The following MYH16 variants were observed in gnomAD, a reference collection of about 807,000 sequenced individuals.
The protein encoded by MYH16 is putative uncharacterized protein MYH16.
chr7:99,262,912 G>A (rs576473635), intron 13 of MYH16, among the ~76,000 whole-genome samples: 6 of 152,278 alleles, frequency 3.9e-5, no homozygotes, highest in Non-Finnish European at 5.9e-5. Flanking sequence ...CACGTAGCTC[G>A]GGATTCTACA....
intron 2 of MYH16, among the ~76,000 whole-genome samples, chr7:99,247,107 C>T (rs548054557): frequency 6.6e-6 from 1 of 152,282 alleles, no homozygotes; most frequent in South Asian, 2.1e-4. Context: ...AAAGAGAAGC[C>T]TCATTTAGCT....
At chr7:99,298,979 C>T (rs964566708) in intron 36 of MYH16, among the ~76,000 whole-genome samples, 4 of 151,506 alleles carry the variant, frequency 2.6e-5, no homozygotes, top group African/African-American at 9.7e-5. Context: ...GTAATCCTAG[C>T]ACTTTGGGAG....
chr7:99,277,440 G>A (rs1792129925), intron 20 of MYH16, 99 bp from the exon 3 acceptor site: 1 of 371,236 alleles, frequency 2.7e-6, no homozygotes, highest in African/African-American at 2.1e-5. Flanking sequence ...CCACAGTGGT[G>A]CTGTGAGGTC....
chr7:99,297,773 G>A (rs1047521330), exon 35 of MYH16: 3 of 456,610 alleles, frequency 6.6e-6, no homozygotes, highest in Non-Finnish European at 1.3e-5. Context: ...GGTGGCCCTG[G>A]AAGAAGCTGA....
At chr7:99,297,745 G>A (rs760637799) in exon 35 of MYH16, 24 of 456,532 alleles carry the variant, frequency 5.3e-5, no homozygotes, top group Admixed American at 1.4e-4. Context: ...AATTGGAGAT[G>A]GAAAAGGAAG....
chr7:99,258,954 G>T (rs147835220), intron 11 of MYH16, among the ~76,000 whole-genome samples: 1 of 152,102 alleles, frequency 6.6e-6, no homozygotes, highest in Admixed American at 6.5e-5. Flanking sequence ...GGAAACTTAC[G>T]ATCATGGTGA....
Position 99,273,337 on chromosome 7 carries a change from C to T in MYH16, n.2404-5C>T, listed in dbSNP as rs918372157. 1.1e-5 allele frequency: 5 copies of T among 456,590 alleles called. No individual in the cohort carries two copies. The highest frequency in any genetic ancestry group is 2.0e-5 in the African/African-American group (1 of 50,070). 28.3% of individuals were successfully genotyped at this position (456,590 alleles called of 1,614,324 possible). ...AACCCACTCAACCCTGGATTCTTTT[C>T]GCAGAATGGGCCTGAAAGTCATTCA... On this transcript the variant is annotated splice_polypyrimidine_tract_variant and splice_region_variant and intron_variant and non_coding_transcript_variant, in intron 19 of 41. Transcript: ENST00000439784.
intron 34 of MYH16, among the ~76,000 whole-genome samples, 179 bp from the exon 16 acceptor site, chr7:99,297,481 C>T (rs1266598047): frequency 6.6e-6 from 1 of 151,726 alleles, no homozygotes; most frequent in African/African-American, 2.4e-5. Context: ...GGAAATAATT[C>T]TACCCTCCTT....
chr7:99,273,112 T>C (rs1220756464), intron 19 of MYH16, among the ~76,000 whole-genome samples, 35 bp downstream of exon 1: 1 of 152,210 alleles, frequency 6.6e-6, no homozygotes, highest in Non-Finnish European at 1.5e-5. Context: ...GGGAGGGACC[T>C]GGTTCCATCA....
intron 40 of MYH16, 82 bp from the exon 22 acceptor site, chr7:99,305,747 AGCCTGGG>A (rs1792668981): frequency 6.5e-6 from 1 of 152,806 alleles, no homozygotes; most frequent in African/African-American, 2.4e-5. Context: ...ACTGCCCTCC[AGCCTGGG>A]CAACAGAGCA....
intron 32 of MYH16, among the ~76,000 whole-genome samples, chr7:99,293,463 G>C (rs1031902010): frequency 6.6e-6 from 1 of 152,102 alleles, no homozygotes; most frequent in African/African-American, 2.4e-5. Context: ...GGCACTACCT[G>C]GTCCTCCCCC....
chr7:99,277,429 A>C (rs961409672), intron 20 of MYH16, 110 bp from the exon 3 acceptor site: 16 of 354,032 alleles, frequency 4.5e-5, no homozygotes, highest in African/African-American at 2.8e-4. Flanking sequence ...GCTGCTTCCC[A>C]CCACAGTGGT....
chr7:99,296,482 C>A (rs1327656976), intron 33 of MYH16, among the ~76,000 whole-genome samples: 3 of 152,090 alleles, frequency 2.0e-5, no homozygotes, highest in Non-Finnish European at 4.4e-5. Flanking sequence ...CCAGGCCACA[C>A]ATCTCTCGGG....
At chr7:99,285,307 G>A (rs369259283) in intron 26 of MYH16, 75 bp from the exon 9 acceptor site, 27 of 449,250 alleles carry the variant, frequency 6.0e-5, no homozygotes, top group Admixed American at 1.5e-4. Flanking sequence ...CCTATTTTCC[G>A]TCCTAAAAGG....
intron 33 of MYH16, among the ~76,000 whole-genome samples, chr7:99,295,868 A>G (rs1381998746): frequency 6.8e-6 from 1 of 146,466 alleles, no homozygotes; most frequent in African/African-American, 2.5e-5. Context: ...AAGGCTGGGC[A>G]CAGTGGCTCA....
At chr7:99,302,317 T>TATATACACACACACACAC (rs1184408879) in intron 38 of MYH16, among the ~76,000 whole-genome samples, 1 of 95,562 alleles carries the variant, frequency 1.0e-5, no homozygotes, top group African/African-American at 4.6e-5. Context: ...AAAAAATATA[T>TATATACACACACACACAC]ACACACACAC....
chr7:99,308,204 A>G (rs1792707561), downstream of MYH16, among the ~76,000 whole-genome samples: 1 of 147,424 alleles, frequency 6.8e-6, no homozygotes, highest in Non-Finnish European at 1.5e-5. Flanking sequence ...CTGAGGCACT[A>G]GAATTGCTTG....
intron 2 of MYH16, among the ~76,000 whole-genome samples, chr7:99,245,747 C>G (rs1041784171): frequency 6.6e-6 from 1 of 152,096 alleles, no homozygotes; most frequent in Admixed American, 6.5e-5. Flanking sequence ...ACGCTGGTCT[C>G]GAACTCCTGA....
At chr7:99,262,394 G>C (rs2150812002) in intron 13 of MYH16, among the ~76,000 whole-genome samples, 1 of 152,330 alleles carries the variant, frequency 6.6e-6, no homozygotes, top group African/African-American at 2.4e-5. Flanking sequence ...CCAATTGCTT[G>C]TAAAATGGAT....
Sources: allele counts gnomAD v4.1 joint callset (sites outside exome capture counted in the v4.1 genomes callset), GRCh38; gene constraint gnomAD v4.1.1; transcripts MANE v1.5; gene names NCBI Gene and HGNC (gene_info 2026-07-23, HGNC 2026-07-21).